The following LRRC7 variants were observed in gnomAD, a reference collection of about 807,000 sequenced individuals.
LRRC7 encodes the protein leucine-rich repeat-containing protein 7.
Under a neutral mutation model 175.7 loss-of-function variants are expected in LRRC7, and 23 were observed. That is an observed-to-expected ratio of 0.13 (90% CI 0.09 to 0.19). The LOEUF (loss-of-function observed/expected upper bound fraction) is 0.19. Among genes scored for constraint, LRRC7 ranks in the 10% least tolerant of loss-of-function variants. The pLI is 1.00. For synonymous variants in LRRC7, 685 were observed against 680.9 expected (o/e 1.01, Z -0.09); for missense variants, 1,354 against 1,904.7 (o/e 0.71, Z 5.38).
intron 1 of LRRC7, among the ~76,000 whole-genome samples, chr1:69,577,084 C>T (rs929265739): frequency 6.6e-6 from 1 of 152,174 alleles, no homozygotes; most frequent in East Asian, 1.9e-4. Context: ...AAGCAAGCCA[C>T]TGAAACTCAA....
Position 70,039,324 on chromosome 1 carries a change from G to C in LRRC7, c.3500G>C (p.Arg1167Thr). The C allele has an allele frequency of 3.1e-6, 5 of 1,614,032 alleles. No individual in the cohort carries two copies. The highest frequency in any genetic ancestry group is 4.2e-6 in the Non-Finnish European group (5 of 1,180,002). Residue 1167 changes from arginine to threonine, a missense_variant, in exon 21 of 27, where the codon AGA becomes ACA. Physicochemically the swap from Arg to Thr is moderately conservative, Grantham distance 71. Around this residue, in one of 4 missense-constraint regions of LRRC7, gnomAD observed 1,032 missense variants for 1,227.2 expected, o/e 0.84. Transcript: ENST00000651989. ...AGCGCCACAGAAATGGCCATGTTTA[G>C]AAGGGTCAATGAGCCTCATGAGCTG... ...LVSATEMAMF[R>T]RVNEPHELPP...
chr1:69,930,040 C>T (rs974760842), intron 7 of LRRC7, among the ~76,000 whole-genome samples: 1 of 150,010 alleles, frequency 6.7e-6, no homozygotes, highest in Admixed American at 6.8e-5. Context: ...TACCTGATCA[C>T]CCTACTAAAA....
At chr1:69,949,520 C>G (rs1335203897) in intron 8 of LRRC7, among the ~76,000 whole-genome samples, 1 of 151,964 alleles carries the variant, frequency 6.6e-6, no homozygotes, top group African/African-American at 2.4e-5. Context: ...TTGCGTGGCT[C>G]CACTGCAGTC....
intron 11 of LRRC7, among the ~76,000 whole-genome samples, chr1:70,000,508 A>T (rs904256997): frequency 6.6e-6 from 1 of 152,234 alleles, no homozygotes; most frequent in African/African-American, 2.4e-5. Flanking sequence ...AATTCATCCC[A>T]GTCATTAAGT....
intron 1 of LRRC7, among the ~76,000 whole-genome samples, chr1:69,592,213 A>G (rs1379219152): frequency 6.6e-6 from 1 of 151,996 alleles, no homozygotes; most frequent in Non-Finnish European, 1.5e-5. Context: ...CATGTACTGT[A>G]TCTCTTTAGT....
intron 7 of LRRC7, among the ~76,000 whole-genome samples, chr1:69,860,822 C>A (rs1684283164): frequency 6.6e-6 from 1 of 151,994 alleles, no homozygotes; most frequent in Non-Finnish European, 1.5e-5. Context: ...TACATAACTT[C>A]TTATATGGAA....
intron 25 of LRRC7, 76 bp from the exon 26 acceptor site, chr1:70,107,676 A>G (rs113735086): frequency 3.8e-4 from 398 of 1,036,046 alleles, no homozygotes; most frequent in South Asian, 5.9e-4. Context: ...ACTGTTTTCT[A>G]TGTGAATGAA....
intron 7 of LRRC7, among the ~76,000 whole-genome samples, chr1:69,864,067 C>T (rs1458280275): frequency 1.3e-5 from 2 of 152,054 alleles, no homozygotes; most frequent in African/African-American, 2.4e-5. Flanking sequence ...CCTACTTATC[C>T]TTTATGGCTC....
intron 10 of LRRC7, among the ~76,000 whole-genome samples, chr1:69,991,488 C>T (rs1654433331): frequency 6.6e-6 from 1 of 152,094 alleles, no homozygotes; most frequent in African/African-American, 2.4e-5. Context: ...TGCAGAGTTG[C>T]CACAGTCCCT....
At chr1:70,032,768 G>A (rs149042423) in intron 18 of LRRC7, among the ~76,000 whole-genome samples, 3 of 152,184 alleles carry the variant, frequency 2.0e-5, no homozygotes, top group African/African-American at 7.2e-5. Flanking sequence ...TCTTTCCTTT[G>A]ACTTCTTCCT....
At chr1:69,828,680 A>G (rs1341017225) in intron 5 of LRRC7, among the ~76,000 whole-genome samples, 1 of 152,092 alleles carries the variant, frequency 6.6e-6, no homozygotes, top group African/African-American at 2.4e-5. Context: ...AGGTAAAATT[A>G]TGAGTTACAC....
chr1:69,579,932 C>T (rs562860897), intron 1 of LRRC7, among the ~76,000 whole-genome samples: 2 of 151,804 alleles, frequency 1.3e-5, no homozygotes, highest in South Asian at 2.1e-4. Flanking sequence ...CTGCACCTGG[C>T]CTGAATAGAA....
intron 8 of LRRC7, among the ~76,000 whole-genome samples, chr1:69,938,706 C>T (rs901539083): frequency 3.3e-4 from 50 of 151,746 alleles, no homozygotes; most frequent in African/African-American, 1.1e-3. Context: ...CCTAGTTCAC[C>T]AAAGGTGTGC....
In LRRC7 at chr1:69,718,130, G is replaced by A. The variant is rs1265212096; in HGVS notation, c.100+39652G>A. 3.7e-3 allele frequency among the ~76,000 whole-genome samples: 165 copies of A among 44,716 alleles called. 3 individuals carry two copies. Among genetic ancestry groups the A allele is most frequent in the African/African-American group, 9.9e-3 (53 of 5,328 alleles). 29.3% of individuals were successfully genotyped at this position (44,716 alleles called of 152,430 possible). On this transcript the variant is annotated intron_variant, in intron 2 of 26. Transcript: ENST00000651989. ...GAGAAAAAGAAAGAAAGAAAGAAAAGAAAGAAAGAGAGAGAAAGAAAGAAA... is the reference window on the plus strand; with the variant it reads ...GAGAAAAAGAAAGAAAGAAAGAAAAAAAAGAAAGAGAGAGAAAGAAAGAAA...
intron 1 of LRRC7, among the ~76,000 whole-genome samples, chr1:69,659,319 G>C (rs1041298254): frequency 6.6e-6 from 1 of 151,544 alleles, no homozygotes; most frequent in Non-Finnish European, 1.5e-5. Context: ...GAGTGAAAAG[G>C]CTTAAGCTAC....
intron 8 of LRRC7, among the ~76,000 whole-genome samples, chr1:69,944,644 T>C (rs1043775894): frequency 2.6e-5 from 4 of 152,090 alleles, no homozygotes; most frequent in Non-Finnish European, 4.4e-5. Flanking sequence ...AGAGTTCCAA[T>C]TTCCCCCACA....
intron 5 of LRRC7, among the ~76,000 whole-genome samples, chr1:69,827,405 A>T (rs1403829006): frequency 1.3e-5 from 2 of 152,182 alleles, no homozygotes; most frequent in Non-Finnish European, 2.9e-5. Flanking sequence ...ATAACTTTTT[A>T]AAAGATAAAT....
chr1:70,000,883 G>T (rs1302867662), intron 11 of LRRC7, among the ~76,000 whole-genome samples: 1 of 152,132 alleles, frequency 6.6e-6, no homozygotes, highest in Non-Finnish European at 1.5e-5. Context: ...GAAACATTGT[G>T]AATAACAAGG....
Position 69,960,189 on chromosome 1 carries a change from A to G in LRRC7, c.712-20190A>G, listed in dbSNP as rs150966565. Reference sequence around the variant, plus strand: ...CATTATTGGTCTGTTCAGGACTTCAATTTCTTCCTGGTTCAGTCTTGGGGG... The same window carrying G: ...CATTATTGGTCTGTTCAGGACTTCAGTTTCTTCCTGGTTCAGTCTTGGGGG... On this transcript the variant is annotated intron_variant, in intron 8 of 26. Transcript: ENST00000651989. Among the ~76,000 whole-genome samples the G allele has an allele frequency of 8.4e-3, 1,279 of 151,952 alleles. 7 individuals carry two copies. Among genetic ancestry groups the G allele is most frequent in the African/African-American group, 0.011 (443 of 41,438 alleles).
Sources: gnomAD v4.1 joint callset for allele counts (sites outside exome capture counted in the v4.1 genomes callset) on GRCh38, gnomAD v4.1.1 for gene constraint, gnomAD v4.1.1 regional missense constraint, MANE v1.5 for transcripts, NCBI Gene and HGNC (gene_info 2026-07-23, HGNC 2026-07-21) for gene names.